Variants in PRKCZ observed in about 807,000 individuals in gnomAD.
The protein encoded by PRKCZ is protein kinase C zeta.
A neutral mutation model predicts 79.5 loss-of-function variants in PRKCZ; 33 were observed. The observed-to-expected ratio is 0.41, with a 90% CI of 0.31 to 0.55. The LOEUF is 0.55. PRKCZ is among the 20% of genes least tolerant of loss of function. The pLI is 0.19. For synonymous variants in PRKCZ, 342 were observed against 320.9 expected (o/e 1.07, Z -0.70); for missense variants, 578 against 813.5 (o/e 0.71, Z 3.52).
At chr1:2,051,349 C>T (rs1250452851) in intron 1 of PRKCZ, among the ~76,000 whole-genome samples, 2 of 152,230 alleles carry the variant, frequency 1.3e-5, no homozygotes, top group African/African-American at 4.8e-5. Flanking sequence ...CGCCTCGGGG[C>T]AGCGCTGCTG....
rs550047466 is a variant in PRKCZ, at chr1:2,172,440, T to C, written c.1285+52T>C. ...CGGAGCACACAGGGCCAGAGATGGC[T>C]TCGGGCCTGGCCCAGCAGCCAGGGA... is the stretch of plus-strand genomic sequence containing the variant. On this transcript the variant is annotated intron_variant, in intron 13 of 17. Coordinates refer to ENST00000378567, the MANE Select transcript of PRKCZ (RefSeq NM_002744.6). This position sits in a 1 kb window ranked among gnomAD's most constrained non-coding sequence, Gnocchi z 7.8. The C allele has an allele frequency of 3.2e-6, 5 of 1,557,942 alleles. No individual in the cohort carries two copies. The East Asian group carries it at 1.2e-4, about 36-fold the overall frequency.
rs556582383 is a variant in PRKCZ at position 2,090,382 on chromosome 1, GT to G, written c.334+30793del. Reference sequence around the variant, plus strand: ...GTTTTGTAGCCGTCAGGGAGCACCTGTTCAGAGGGCCCTGCTGACCGAGGGG... The same window carrying G: ...GTTTTGTAGCCGTCAGGGAGCACCTGTCAGAGGGCCCTGCTGACCGAGGGG... On this transcript the variant is annotated intron_variant, in intron 4 of 17. Coordinates refer to ENST00000378567, the MANE Select transcript of PRKCZ (RefSeq NM_002744.6). Among the ~76,000 whole-genome samples the G allele has an allele frequency of 2.2e-3, 331 of 152,310 alleles. 1 individual carries two copies. The highest frequency in any genetic ancestry group is 6.6e-3 in the African/African-American group (276 of 41,576).
intron 4 of PRKCZ, among the ~76,000 whole-genome samples, chr1:2,062,482 CTTTT>C (rs61178553): frequency 2.2e-5 from 3 of 133,968 alleles, no homozygotes; most frequent in Non-Finnish European, 3.2e-5. Context: ...GCCATCTTAA[CTTTT>C]TTTTTTTTTT....
At chr1:2,093,641 C>G (rs146021841) in intron 4 of PRKCZ, among the ~76,000 whole-genome samples, 12 of 152,060 alleles carry the variant, frequency 7.9e-5, no homozygotes, top group African/African-American at 2.9e-4. Flanking sequence ...GCTGTTGGTG[C>G]GGGGCCGCTG....
At chr1:2,076,346 C>T (rs972603173) in intron 4 of PRKCZ, among the ~76,000 whole-genome samples, 1 of 152,236 alleles carries the variant, frequency 6.6e-6, no homozygotes, top group African/African-American at 2.4e-5. Flanking sequence ...CCTCACAGCA[C>T]AGGCTGGACA....
rs568098207 is a variant in PRKCZ at position 2,184,478 on chromosome 1, G to A, written c.1576-105G>A. 27 of 783,336 alleles carry A rather than the reference G, an allele frequency of 3.4e-5. No homozygotes were observed. In the South Asian group the frequency reaches 4.8e-4, roughly 14 times the overall value. 48.5% of individuals were successfully genotyped at this position (783,336 alleles called of 1,614,324 possible). A position where few individuals can be genotyped will look rare whatever the true frequency, so the allele number is the denominator to read the frequency against. ...CAAATACTAGGCAGATTGAAATGCT[G>A]ACTTTCTCACTGTTTCATTTTGTGA... On this transcript the variant is annotated intron_variant, in intron 16 of 17. Coordinates refer to ENST00000378567, the MANE Select transcript of PRKCZ (RefSeq NM_002744.6).
intron 10 of PRKCZ, among the ~76,000 whole-genome samples, chr1:2,167,261 C>T (rs1239438133): frequency 6.6e-6 from 1 of 152,246 alleles, no homozygotes; most frequent in African/African-American, 2.4e-5. Flanking sequence ...GAAGGGGAAG[C>T]GGCCTCCGCC....
intron 5 of PRKCZ, chr1:2,141,147 A>G (rs984762767): frequency 6.6e-6 from 1 of 152,108 alleles, no homozygotes; most frequent in Non-Finnish European, 1.5e-5. Context: ...TAGATTTGAA[A>G]CAAGAGCTTT....
chr1:2,127,376 A>G lies in PRKCZ; in HGVS notation c.335-7886A>G, dbSNP rs1049428964. Among the ~76,000 whole-genome samples, 3 of 152,132 alleles carry G rather than the reference A, an allele frequency of 2.0e-5. No homozygotes were observed. Among genetic ancestry groups the G allele is most frequent in the African/African-American group, 7.2e-5 (3 of 41,482 alleles). On this transcript the variant is annotated intron_variant, in intron 4 of 17. Coordinates refer to ENST00000378567, the MANE Select transcript of PRKCZ (RefSeq NM_002744.6). The surrounding 1 kb of genome is among the most constrained non-coding windows in gnomAD (Gnocchi z 5.1). ...CGATCCGGGCAGGTCCCTCAGATGG[A>G]GGGGCTGCACCTCCACTGCCCCCCC...
At position 2,079,862 on chromosome 1, in the gene PRKCZ, G is replaced by A. The variant is rs146271282; in HGVS notation, c.334+20271G>A. ...GGGGCACCACAGAGCTGGTGGTGGCGGAAGTCCCCAGGGGAGTGTCCTGCC... is the reference window on the plus strand; with the variant it reads ...GGGGCACCACAGAGCTGGTGGTGGCAGAAGTCCCCAGGGGAGTGTCCTGCC... On this transcript the variant is annotated intron_variant, in intron 4 of 17. Transcript: ENST00000378567. 5.7e-3 allele frequency among the ~76,000 whole-genome samples: 867 copies of A among 152,276 alleles called. 10 individuals are homozygous for A. The highest frequency in any genetic ancestry group is 0.02 in the African/African-American group (833 of 41,542).
chr1:2,059,106 C>G (rs565079780), intron 3 of PRKCZ, among the ~76,000 whole-genome samples: 35 of 152,260 alleles, frequency 2.3e-4, no homozygotes, highest in African/African-American at 7.9e-4. Context: ...AGTTTTAATA[C>G]TTTCTAAGCA....
intron 15 of PRKCZ, among the ~76,000 whole-genome samples, 173 bp from the exon 16 acceptor site, chr1:2,175,051 G>C (rs1289692008): frequency 6.6e-6 from 1 of 152,112 alleles, no homozygotes; most frequent in South Asian, 2.1e-4. Context: ...AAAATGGAAC[G>C]GAGCTTAACG....
At chr1:2,093,208 G>T (rs542659012) in intron 4 of PRKCZ, among the ~76,000 whole-genome samples, 2 of 151,834 alleles carry the variant, frequency 1.3e-5, no homozygotes, top group East Asian at 1.9e-4. Context: ...GCCCTGAAAA[G>T]CACCTCCTCC....
At chr1:2,056,398 C>G (rs1660163586) in intron 2 of PRKCZ, 86 bp from the exon 3 acceptor site, 5 of 1,246,846 alleles carry the variant, frequency 4.0e-6, no homozygotes, top group Admixed American at 2.0e-5. Context: ...CCACCAGACC[C>G]TTGTCTGGTG....
At chr1:2,073,770 A>G (rs954706384) in intron 4 of PRKCZ, 2 of 1,010,230 alleles carry the variant, frequency 2.0e-6, no homozygotes, top group African/African-American at 3.5e-5. Flanking sequence ...CCTTCCGTTA[A>G]ATATCTGCTC....
chr1:2,048,549 C>T (rs570841354), upstream of PRKCZ, among the ~76,000 whole-genome samples: 139 of 152,224 alleles, frequency 9.1e-4, 1 homozygote, highest in Middle Eastern at 0.02. Flanking sequence ...GCCTCGAGGC[C>T]GGGGCAGAGG....
chr1:2,151,892 A>G (rs1344751582), intron 9 of PRKCZ, among the ~76,000 whole-genome samples: 2 of 152,030 alleles, frequency 1.3e-5, no homozygotes, highest in African/African-American at 4.8e-5. Context: ...GAGCATGATC[A>G]CGGTTCACCT....
At chr1:2,102,193 G>A (rs1188343282) in intron 4 of PRKCZ, among the ~76,000 whole-genome samples, 11 of 152,134 alleles carry the variant, frequency 7.2e-5, no homozygotes, top group Non-Finnish European at 1.6e-4. Flanking sequence ...GCCCTGCCCC[G>A]ACCTCCACAC....
In PRKCZ at chr1:2,135,289, G is replaced by A. The variant is rs767707651; in HGVS notation, c.362G>A (p.Arg121Lys). 2.9e-5 allele frequency: 47 copies of A among 1,613,468 alleles called. No individual in the cohort carries two copies. The highest frequency in any genetic ancestry group is 3.8e-5 in the Non-Finnish European group (45 of 1,179,838). The stretch of plus-strand genomic sequence containing the variant: ...TCTATCTACCGCCGGGGAGCCAGAA[G>A]ATGGAGGAAGCTGTACCGTGCCAAC... ...DKSIYRRGARRWRKLYRANGH... is the reference protein window; with the variant it reads ...DKSIYRRGARKWRKLYRANGH... The change falls in exon 5 of 18, where the codon AGA becomes AAA. Residue 121 changes from arginine (R) to lysine (K), a missense_variant. Arg to Lys is a conservative substitution (Grantham distance 26). Transcript: ENST00000378567.
Sources: gnomAD v4.1 joint callset for allele counts (sites outside exome capture counted in the v4.1 genomes callset) on GRCh38, gnomAD v4.1.1 for gene constraint, Gnocchi (gnomAD v3.1) non-coding constraint, MANE v1.5 for transcripts, NCBI Gene and HGNC (gene_info 2026-07-23, HGNC 2026-07-21) for gene names.